Variants in STK3 observed in about 807,000 individuals in gnomAD.
STK3 encodes serine/threonine kinase 3.
STK3 carries 41 observed loss-of-function variants against 58.0 expected under a neutral mutation model. That is an observed-to-expected ratio of 0.71 (90% CI 0.55 to 0.92). The LOEUF is 0.92. Among genes scored for constraint, STK3 ranks in the 40% least tolerant of loss-of-function variants. STK3 has a pLI of 0.00. For synonymous variants in STK3, 170 were observed against 191.0 expected, an observed-to-expected ratio of 0.89 and a Z score of 0.91; for missense variants, 479 against 602.7, an observed-to-expected ratio of 0.79 and a Z score of 2.15.
chr8:98,514,664 T>A (rs1385168086), intron 10 of STK3, among the ~76,000 whole-genome samples: 1 of 152,078 alleles, frequency 6.6e-6, no homozygotes, highest in African/African-American at 2.4e-5. Context: ...CTGCTCACTG[T>A]TCCTGCCCCA....
At chr8:98,406,511 A>C (rs969034148) in intron 3 of STK3, among the ~76,000 whole-genome samples, 2 of 152,098 alleles carry the variant, frequency 1.3e-5, no homozygotes, top group African/African-American at 4.8e-5. Flanking sequence ...GCCCCCACAC[A>C]TTGTAATGTC....
intron 8 of STK3, among the ~76,000 whole-genome samples, chr8:98,553,720 T>C (rs939819282): frequency 1.3e-5 from 2 of 152,088 alleles, no homozygotes; most frequent in African/African-American, 4.8e-5. Flanking sequence ...TCTCGACACT[T>C]TGGGAGGCCG....
chr8:98,506,167 C>T (rs1824054416), intron 10 of STK3, among the ~76,000 whole-genome samples: 1 of 152,210 alleles, frequency 6.6e-6, no homozygotes, highest in African/African-American at 2.4e-5. Context: ...GCTGCACTAG[C>T]AGTGAGCAAG....
At chr8:98,805,067 T>C (rs939588500) in intron 1 of STK3, among the ~76,000 whole-genome samples, 1 of 152,176 alleles carries the variant, frequency 6.6e-6, no homozygotes, top group African/African-American at 2.4e-5. Context: ...AATCTGGTGA[T>C]AAAGATCTGA....
At chr8:98,723,352 TGG>T (rs1183760681) in intron 4 of STK3, among the ~76,000 whole-genome samples, 1 of 152,130 alleles carries the variant, frequency 6.6e-6, no homozygotes, top group East Asian at 1.9e-4. Context: ...AACAAAAAGA[TGG>T]TTTTGATAGG....
At chr8:98,654,765 T>C (rs1285928700) in intron 6 of STK3, among the ~76,000 whole-genome samples, 3 of 151,924 alleles carry the variant, frequency 2.0e-5, no homozygotes, top group African/African-American at 7.3e-5. Flanking sequence ...TACCTAGGAA[T>C]CCAAATTAAA....
chr8:98,665,939 G>A (rs1822319891), intron 6 of STK3, among the ~76,000 whole-genome samples: 1 of 151,902 alleles, frequency 6.6e-6, no homozygotes, highest in Admixed American at 6.6e-5. Flanking sequence ...TCCTGACCTC[G>A]TGATCCACCT....
chr8:98,738,887 C>T (rs1053884769), intron 4 of STK3, among the ~76,000 whole-genome samples: 2 of 152,220 alleles, frequency 1.3e-5, no homozygotes, highest in African/African-American at 2.4e-5. Flanking sequence ...CACTCCCACC[C>T]GAATACTGCG....
rs532560696 is a variant in STK3 at position 98,428,800 on chromosome 8, C to T, written n.483+5327G>A. Reference sequence around the variant, plus strand: ...ATGTCCATCGTCCCCTTTTACATCACTCTGGTGGTGAACCTGGTGGTGGAG... The same window carrying T: ...ATGTCCATCGTCCCCTTTTACATCATTCTGGTGGTGAACCTGGTGGTGGAG... On this transcript the variant is annotated intron_variant and non_coding_transcript_variant, in intron 3 of 3. Coordinates refer to the STK3 transcript ENST00000517832. This position sits in a 1 kb window ranked among gnomAD's most constrained non-coding sequence, Gnocchi z 6.7. 5 of 1,614,220 alleles carry T rather than the reference C, an allele frequency of 3.1e-6. No homozygotes were observed. Among genetic ancestry groups the T allele is most frequent in the South Asian group, 1.1e-5 (1 of 91,070 alleles).
At chr8:98,456,968 T>C (rs543245174) in intron 10 of STK3, among the ~76,000 whole-genome samples, 1 of 152,226 alleles carries the variant, frequency 6.6e-6, no homozygotes, top group African/African-American at 2.4e-5. Flanking sequence ...AAAGAATGAG[T>C]CATAGACTCT....
At chr8:98,513,172 A>C (rs977524779) in intron 10 of STK3, among the ~76,000 whole-genome samples, 2 of 152,162 alleles carry the variant, frequency 1.3e-5, no homozygotes, top group East Asian at 3.8e-4. Flanking sequence ...AGACAAAAAT[A>C]ATGTACAAGC....
At chr8:98,833,565 G>T (rs1488256246) in intron 3 of STK3, among the ~76,000 whole-genome samples, 1 of 152,118 alleles carries the variant, frequency 6.6e-6, no homozygotes, top group Non-Finnish European at 1.5e-5. Flanking sequence ...ATATATTTGG[G>T]GGTAAAAATA....
At chr8:98,452,757 ATTTTTTT>A (rs11329886), downstream of STK3, among the ~76,000 whole-genome samples, 3 of 110,470 alleles carry the variant, frequency 2.7e-5, no homozygotes, top group East Asian at 7.6e-4. Context: ...AGACTTGAAG[ATTTTTTT>A]TTTTTTTTTT....
chr8:98,505,289 T>C (rs1823968136), intron 10 of STK3, among the ~76,000 whole-genome samples: 1 of 152,186 alleles, frequency 6.6e-6, no homozygotes. Flanking sequence ...TAGCCATTAG[T>C]CTAATCTTTT....
At chr8:98,375,091 CA>C (rs34424217) in intron 2 of STK3, among the ~76,000 whole-genome samples, 13 of 44,052 alleles carry the variant, frequency 3.0e-4, no homozygotes, top group South Asian at 8.0e-4. Flanking sequence ...AAACAAACAA[CA>C]AAAAAAAAAA....
intron 1 of STK3, 150 bp from the exon 2 acceptor site, chr8:98,774,969 C>G: frequency 2.0e-6 from 1 of 500,660 alleles, no homozygotes; most frequent in Admixed American, 3.8e-5. Flanking sequence ...TAAACATTCT[C>G]CTTTCAAGCC....
intron 1 of STK3, among the ~76,000 whole-genome samples, chr8:98,788,240 C>T (rs906065983): frequency 1.4e-4 from 22 of 151,968 alleles, no homozygotes; most frequent in African/African-American, 4.6e-4. Context: ...GAGTTCGAGA[C>T]CAGCCTGGAC....
chr8:98,677,399 T>TC (rs2130876045), intron 6 of STK3, among the ~76,000 whole-genome samples: 1 of 141,380 alleles, frequency 7.1e-6, no homozygotes, highest in South Asian at 2.4e-4. Flanking sequence ...CATTTCTGGA[T>TC]CCCCCAGGAA....
intron 2 of STK3, among the ~76,000 whole-genome samples, chr8:98,774,162 T>G (rs1411547607): frequency 6.6e-6 from 1 of 152,162 alleles, no homozygotes; most frequent in African/African-American, 2.4e-5. Context: ...TCTATAAGCT[T>G]CTTTTAATTC....
Sources: allele counts gnomAD v4.1 joint callset (sites outside exome capture counted in the v4.1 genomes callset), GRCh38; gene constraint gnomAD v4.1.1; non-coding constraint Gnocchi (gnomAD v3.1); transcripts MANE v1.5; gene names NCBI Gene and HGNC (gene_info 2026-07-23, HGNC 2026-07-21).